The following WWOX variants were observed in gnomAD, a reference collection of about 807,000 sequenced individuals.
The protein encoded by WWOX is WW domain containing oxidoreductase.
A neutral mutation model predicts 46.2 loss-of-function variants in WWOX; 69 were observed. That is an observed-to-expected ratio of 1.49 (90% CI 1.23 to 1.82). The LOEUF (loss-of-function observed/expected upper bound fraction) is 1.82, where lower values mean the gene tolerates loss of function less well. Among genes scored for constraint, WWOX ranks in the 40% most tolerant of loss-of-function variants. The probability of loss-of-function intolerance (pLI) is 0.00; values close to 1 mark genes in which losing one functional copy is unlikely to be tolerated. For synonymous variants in WWOX, 359 were observed against 202.6 expected (o/e 1.77, Z -6.56); for missense variants, 919 against 542.6 (o/e 1.69, Z -6.89).
At chr16:78,683,374 C>T (rs978455120) in intron 8 of WWOX, among the ~76,000 whole-genome samples, 45 of 150,880 alleles carry the variant, frequency 3.0e-4, no homozygotes, top group Admixed American at 3.3e-4. Flanking sequence ...CCCATCTCTA[C>T]TAAAAACATT....
At chr16:78,711,964 T>C (rs942524236) in intron 8 of WWOX, among the ~76,000 whole-genome samples, 1 of 152,180 alleles carries the variant, frequency 6.6e-6, no homozygotes, top group Non-Finnish European at 1.5e-5. Context: ...GCTTCCCTCT[T>C]GGACATTAAA....
At chr16:78,810,312 T>C (rs1332138170) in intron 8 of WWOX, among the ~76,000 whole-genome samples, 1 of 152,232 alleles carries the variant, frequency 6.6e-6, no homozygotes, top group Non-Finnish European at 1.5e-5. Context: ...TGAAATATCA[T>C]GTTCTGCCCA....
In WWOX at chr16:78,567,843, G is replaced by C. The variant is rs8051755; in HGVS notation, c.1056+135091G>C. Reference sequence around the variant, plus strand: ...TCGAGGAGGCCCATTACCGGCTGGAGTGACAGAGTGTGTCAAGCCTGCAGC... The same window carrying C: ...TCGAGGAGGCCCATTACCGGCTGGACTGACAGAGTGTGTCAAGCCTGCAGC... On this transcript the variant is annotated intron_variant, in intron 8 of 8. Transcript: ENST00000566780. Among the ~76,000 whole-genome samples, 314 of 152,242 alleles carry C rather than the reference G, an allele frequency of 2.1e-3. 3 individuals carry two copies. The highest frequency in any genetic ancestry group is 7.3e-3 in the African/African-American group (304 of 41,552).
In WWOX at chr16:78,446,657, C is replaced by CTTTT. The variant is rs5818138; in HGVS notation, c.1056+13926_1056+13929dup. Among the ~76,000 whole-genome samples the CTTTT allele has an allele frequency of 1.3e-3, 115 of 88,096 alleles. 3 individuals carry two copies. The highest frequency in any genetic ancestry group is 3.3e-3 in the African/African-American group (73 of 21,888). The allele number at this position is 88,096 out of a possible 152,430, so 57.8% of individuals were successfully genotyped here. On this transcript the variant is annotated intron_variant, in intron 8 of 8. Coordinates refer to ENST00000566780, the MANE Select transcript of WWOX (RefSeq NM_016373.4). ...CATCGAGTATAGTACCAAGTGTATA[C>CTTTT]TTTTTTTTTTTTTTTTTTTTTTTTG...
chr16:78,394,405 C>T (rs2082242951), intron 6 of WWOX, among the ~76,000 whole-genome samples: 1 of 151,236 alleles, frequency 6.6e-6, no homozygotes, highest in South Asian at 2.1e-4. Flanking sequence ...ATACATTTTC[C>T]ATCCTAAGGC....
intron 8 of WWOX, among the ~76,000 whole-genome samples, chr16:78,620,648 T>A (rs574764990): frequency 6.6e-6 from 1 of 152,336 alleles, no homozygotes; most frequent in African/African-American, 2.4e-5. Context: ...TTCCTGCTTC[T>A]TGATGCACTT....
intron 5 of WWOX, chr16:78,270,379 T>C (rs920308043): frequency 2.0e-5 from 3 of 152,144 alleles, no homozygotes; most frequent in Non-Finnish European, 4.4e-5. Flanking sequence ...TTCTTTCCAG[T>C]ATAATAAAGA....
At chr16:79,059,181 A>C (rs779228547) in intron 8 of WWOX, among the ~76,000 whole-genome samples, 1 of 152,234 alleles carries the variant, frequency 6.6e-6, no homozygotes, top group Admixed American at 6.5e-5. Flanking sequence ...TTGTGTTTGC[A>C]AGAAATGGAT....
At chr16:78,804,019 C>G (rs1296953898) in intron 8 of WWOX, among the ~76,000 whole-genome samples, 2 of 152,064 alleles carry the variant, frequency 1.3e-5, no homozygotes, top group African/African-American at 2.4e-5. Flanking sequence ...TAGAAACAGC[C>G]CCATCACTAT....
intron 5 of WWOX, among the ~76,000 whole-genome samples, chr16:78,324,317 A>G (rs1055819366): frequency 2.0e-5 from 3 of 152,124 alleles, no homozygotes; most frequent in Non-Finnish European, 4.4e-5. Flanking sequence ...AATGTGGAGA[A>G]GTTGGAACCC....
intron 8 of WWOX, chr16:78,897,238 T>G (rs1219665581): frequency 4.5e-5 from 1 of 22,224 alleles, no homozygotes; most frequent in African/African-American, 3.0e-4. Flanking sequence ...TGAGACTGTC[T>G]TTAAAAAAAA....
At chr16:78,596,579 A>G (rs542076297) in intron 8 of WWOX, among the ~76,000 whole-genome samples, 8 of 152,240 alleles carry the variant, frequency 5.3e-5, no homozygotes, top group Non-Finnish European at 8.8e-5. Flanking sequence ...CAGGTGTGCA[A>G]GGACCAGCCA....
At chr16:78,419,289 T>A (rs2082869467) in intron 6 of WWOX, among the ~76,000 whole-genome samples, 1 of 152,116 alleles carries the variant, frequency 6.6e-6, no homozygotes, top group Non-Finnish European at 1.5e-5. Context: ...GAAAAGCTGA[T>A]CCTACATTTT....
intron 8 of WWOX, among the ~76,000 whole-genome samples, chr16:78,771,565 A>G (rs559271915): frequency 1.1e-4 from 17 of 152,256 alleles, no homozygotes; most frequent in African/African-American, 3.9e-4. Flanking sequence ...TGAGGTCAGG[A>G]GTTCGAGACC....
chr16:78,677,963 A>G (rs1269686155), intron 8 of WWOX, among the ~76,000 whole-genome samples: 1 of 152,184 alleles, frequency 6.6e-6, no homozygotes, highest in East Asian at 1.9e-4. Flanking sequence ...CAGGGATGAC[A>G]TCCTTAGCCA....
At chr16:78,434,119 T>C (rs1291862588) in intron 8 of WWOX, among the ~76,000 whole-genome samples, 1 of 152,172 alleles carries the variant, frequency 6.6e-6, no homozygotes, top group Non-Finnish European at 1.5e-5. Context: ...ACATCAAAAG[T>C]CTTTTGAAGT....
intron 8 of WWOX, among the ~76,000 whole-genome samples, chr16:78,946,928 A>T (rs1449787713): frequency 6.6e-6 from 1 of 152,162 alleles, no homozygotes; most frequent in Non-Finnish European, 1.5e-5. Flanking sequence ...CCCTTCCTGG[A>T]AGATTGAGAT....
intron 8 of WWOX, among the ~76,000 whole-genome samples, chr16:78,917,748 A>G (rs536074573): frequency 2.6e-5 from 4 of 152,236 alleles, no homozygotes; most frequent in East Asian, 1.9e-4. Flanking sequence ...ACCAAACACC[A>G]TATGTCATAA....
intron 8 of WWOX, among the ~76,000 whole-genome samples, chr16:78,795,853 C>A (rs185691526): frequency 6.6e-6 from 1 of 151,916 alleles, no homozygotes; most frequent in Non-Finnish European, 1.5e-5. Flanking sequence ...TAGTGAGTAC[C>A]CAATAAATGC....
Sources: gnomAD v4.1 joint callset for allele counts (sites outside exome capture counted in the v4.1 genomes callset) on GRCh38, gnomAD v4.1.1 for gene constraint, MANE v1.5 for transcripts, NCBI Gene and HGNC (gene_info 2026-07-23, HGNC 2026-07-21) for gene names.